Variants in CLDN14 observed in about 807,000 individuals in gnomAD.
CLDN14 encodes the protein claudin-14.
A neutral mutation model predicts 2.1 loss-of-function variants in CLDN14; 2 were observed. That is an observed-to-expected ratio of 0.96 (90% CI 0.39 to 3.01). CLDN14 has a LOEUF of 3.01. Among genes scored for constraint, CLDN14 ranks in the 30% most tolerant of loss-of-function variants. The pLI is 0.09. For synonymous variants in CLDN14, 136 were observed against 154.4 expected, an observed-to-expected ratio of 0.88 and a Z score of 0.88; for missense variants, 298 against 328.0, an observed-to-expected ratio of 0.91 and a Z score of 0.71.
rs1044444748 is a variant in CLDN14 at position 36,540,603 on chromosome 21, A to T, written c.-219-30103T>A. Among the ~76,000 whole-genome samples the T allele has an allele frequency of 6.1e-5, 9 of 148,328 alleles. No individual in the cohort carries two copies. The South Asian group carries it at 2.0e-3, about 34-fold the overall frequency. ...TTCCTGCCAGGACCAGGGGGGTTTG[A>T]GGAGTGTCTCTTTGAGAAAGTGGCT... On this transcript the variant is annotated intron_variant, in intron 1 of 2. Transcript: ENST00000342108.
rs1328507679 is a variant in CLDN14, at chr21:36,499,438, G to C, written c.-82+10925C>G. Among the ~76,000 whole-genome samples the C allele has an allele frequency of 2.0e-5, 3 of 152,170 alleles. No homozygotes were observed. Among genetic ancestry groups the C allele is most frequent in the East Asian group, 3.8e-4 (2 of 5,204 alleles). On this transcript the variant is annotated intron_variant, in intron 2 of 2. Coordinates refer to the CLDN14 transcript ENST00000342108. This position sits in a 1 kb window ranked among gnomAD's most constrained non-coding sequence, Gnocchi z 4.7. ...GTTTTATGGGCTGGGTTCCTACAGA[G>C]AGTTATGAATGGAGGATTGAGTGCA...
Position 36,461,286 on chromosome 21 carries a change from G to A in CLDN14, c.410C>T (p.Ser137Phe), listed in dbSNP as rs920191385. 2.5e-6 allele frequency: 4 copies of A among 1,613,784 alleles called. No homozygotes were observed. The highest frequency in any genetic ancestry group is 3.4e-6 in the Non-Finnish European group (4 of 1,180,012). ...LAGLLCMVAV[S>F]WTTNDVVQNF... ...CTGCACCACGTCGTTGGTGGTCCAG[G>A]AGACGGCCACCATGCACAGGAGGCC... is the stretch of plus-strand genomic sequence containing the variant. The change falls in exon 2 of 2, where the codon TCC (serine) becomes TTC (phenylalanine). Residue 137 changes from serine (S) to phenylalanine (F), a missense_variant. Transcript: ENST00000399135.
At chr21:36,543,941 A>T (rs2087510035) in intron 1 of CLDN14, among the ~76,000 whole-genome samples, 1 of 152,204 alleles carries the variant, frequency 6.6e-6, no homozygotes, top group African/African-American at 2.4e-5. Context: ...GTGCATGATG[A>T]TAGGGACTGT....
intron 1 of CLDN14, among the ~76,000 whole-genome samples, chr21:36,573,077 G>A (rs1426278341): frequency 6.6e-6 from 1 of 152,196 alleles, no homozygotes; most frequent in Non-Finnish European, 1.5e-5. Context: ...CGAGGCAGGT[G>A]GATCACGAGG....
At chr21:36,545,719 C>T (rs1222477982) in intron 1 of CLDN14, among the ~76,000 whole-genome samples, 1 of 152,164 alleles carries the variant, frequency 6.6e-6, no homozygotes, top group Non-Finnish European at 1.5e-5. Context: ...TTTATTAAAG[C>T]TGGCAGCTCT....
At chr21:36,503,172 G>A (rs894941474) in intron 2 of CLDN14, among the ~76,000 whole-genome samples, 1 of 152,194 alleles carries the variant, frequency 6.6e-6, no homozygotes, top group Non-Finnish European at 1.5e-5. Context: ...TCCTGCCTCA[G>A]CCTCCCAAGT....
At chr21:36,461,958 G>A (rs969046399) in intron 1 of CLDN14, among the ~76,000 whole-genome samples, 182 bp from the exon 2 acceptor site, 3 of 152,192 alleles carry the variant, frequency 2.0e-5, no homozygotes, top group African/African-American at 7.2e-5. Context: ...TTCCTGGGAA[G>A]GTGGGATCTG....
chr21:36,502,390 A>T (rs1226448031), intron 2 of CLDN14, among the ~76,000 whole-genome samples: 1 of 152,198 alleles, frequency 6.6e-6, no homozygotes, highest in Non-Finnish European at 1.5e-5. Context: ...GGGGGTCAAG[A>T]GCATTATGCC....
intron 1 of CLDN14, among the ~76,000 whole-genome samples, chr21:36,472,173 G>A (rs2086718286): frequency 1.3e-5 from 2 of 152,210 alleles, no homozygotes; most frequent in Non-Finnish European, 2.9e-5. Context: ...GCTGAATTAG[G>A]GAGACCAAAC....
At position 36,557,311 on chromosome 21, in the gene CLDN14, ATG is replaced by A. The variant is rs562362822; in HGVS notation, c.-220+19098_-220+19099del. 5.1e-3 allele frequency among the ~76,000 whole-genome samples: 677 copies of A among 131,924 alleles called. 12 individuals carry two copies. The highest frequency in any genetic ancestry group is 6.1e-3 in the Non-Finnish European group (330 of 53,912). 86.5% of individuals were successfully genotyped at this position (131,924 alleles called of 152,430 possible). A position where few individuals can be genotyped will look rare whatever the true frequency, so the allele number is the denominator to read the frequency against. On this transcript the variant is annotated intron_variant, in intron 1 of 2. Transcript: ENST00000342108. ...ATTATTTTGGATAAATAATATTCAC[ATG>A]TGGGATTGCTGGAAAACATGATAAT...
intron 1 of CLDN14, among the ~76,000 whole-genome samples, chr21:36,511,824 A>G (rs1184054828): frequency 2.6e-5 from 4 of 152,168 alleles, no homozygotes; most frequent in African/African-American, 9.7e-5. Flanking sequence ...CCCCAGTTCT[A>G]AGTTTGGTTG....
intron 1 of CLDN14, among the ~76,000 whole-genome samples, chr21:36,530,551 G>C (rs2087371707): frequency 1.3e-5 from 2 of 152,264 alleles, no homozygotes; most frequent in South Asian, 4.1e-4. Flanking sequence ...TGAGACAGAT[G>C]TGGAAACTAA....
In CLDN14 at chr21:36,551,276, C is replaced by A. The variant is rs920521449; in HGVS notation, c.-220+25135G>T. 3.9e-5 allele frequency among the ~76,000 whole-genome samples: 6 copies of A among 152,354 alleles called. No homozygotes were observed. Among genetic ancestry groups the A allele is most frequent in the South Asian group, 4.1e-4 (2 of 4,832 alleles). ...CTTGGCCCCCTCCCCTTGGCCTCTG[C>A]GCTGGGAGGGAGGACCCCAGTGAGA... is the stretch of plus-strand genomic sequence containing the variant. On this transcript the variant is annotated intron_variant, in intron 1 of 2. Coordinates refer to the CLDN14 transcript ENST00000342108. The surrounding 1 kb of genome is among the most constrained non-coding windows in gnomAD (Gnocchi z 4.8).
At chr21:36,478,439 G>A (rs1023387611) in intron 1 of CLDN14, among the ~76,000 whole-genome samples, 8 of 152,352 alleles carry the variant, frequency 5.3e-5, no homozygotes, top group Non-Finnish European at 7.3e-5. Context: ...TCTAGAAGAT[G>A]CTGAGATAAT....
intron 1 of CLDN14, among the ~76,000 whole-genome samples, chr21:36,561,929 C>G (rs2087638602): frequency 2.6e-5 from 3 of 115,618 alleles, no homozygotes; most frequent in Admixed American, 2.6e-4. Flanking sequence ...TTGAAGGAAC[C>G]CTTTCTCTCA....
intron 2 of CLDN14, among the ~76,000 whole-genome samples, chr21:36,492,394 ACTGCAGT>A (rs1353952308): frequency 9.6e-6 from 1 of 103,702 alleles, no homozygotes; most frequent in Non-Finnish European, 1.7e-5. Flanking sequence ...AGATTGCGCC[ACTGCAGT>A]CCGCAGTCCG....
At chr21:36,538,420 C>T (rs187646445) in intron 1 of CLDN14, among the ~76,000 whole-genome samples, 5 of 152,250 alleles carry the variant, frequency 3.3e-5, no homozygotes, top group South Asian at 4.2e-4. Context: ...TCGAGACCAT[C>T]CTGGCCAACA....
chr21:36,532,957 C>T (rs965756038), intron 1 of CLDN14, among the ~76,000 whole-genome samples: 3 of 152,094 alleles, frequency 2.0e-5, no homozygotes, highest in Admixed American at 2.0e-4. Flanking sequence ...GCTATCTAAC[C>T]CTTTGAGTCA....
intron 2 of CLDN14, among the ~76,000 whole-genome samples, chr21:36,509,093 A>AC: frequency 6.6e-6 from 1 of 152,364 alleles, no homozygotes; most frequent in East Asian, 1.9e-4. Flanking sequence ...CCAATAGTTT[A>AC]AACAGTGTCA....
Sources: gnomAD v4.1 joint callset for allele counts (sites outside exome capture counted in the v4.1 genomes callset) on GRCh38, gnomAD v4.1.1 for gene constraint, Gnocchi (gnomAD v3.1) non-coding constraint, MANE v1.5 for transcripts, NCBI Gene and HGNC (gene_info 2026-07-23, HGNC 2026-07-21) for gene names.